The following FAM200C variants were observed in gnomAD, a reference collection of about 807,000 sequenced individuals.
the FAM200C span, chr5:160,395,385 C>A: frequency 6.2e-7 from 1 of 1,614,100 alleles, no homozygotes; most frequent in East Asian, 2.2e-5. Flanking sequence ...TTTGAAAATA[C>A]TGAGTTACAC....
the FAM200C span, chr5:160,393,483 A>C: frequency 1.8e-6 from 1 of 545,940 alleles, no homozygotes. Flanking sequence ...ACAGATACTT[A>C]GAATTGGGAA....
chr5:160,394,088 T>G, the FAM200C span: 1 of 1,613,318 alleles, frequency 6.2e-7, no homozygotes, highest in Non-Finnish European at 8.5e-7. Flanking sequence ...ACTTGCCTCA[T>G]TAAGATCTCC....
the FAM200C span, chr5:160,393,862 A>C: frequency 1.2e-6 from 2 of 1,614,030 alleles, no homozygotes; most frequent in African/African-American, 1.3e-5. Flanking sequence ...CCAACTCACA[A>C]AGGTATGTAG....
the FAM200C span, chr5:160,394,044 C>A: frequency 2.5e-6 from 4 of 1,610,710 alleles, no homozygotes; most frequent in Admixed American, 3.4e-5. Flanking sequence ...TCAACAAAAT[C>A]GATATTAAAA....
At chr5:160,395,649 T>G in the FAM200C span, 1 of 656,634 alleles carries the variant, frequency 1.5e-6, no homozygotes, top group Non-Finnish European at 2.7e-6. Flanking sequence ...CTGCAGCATG[T>G]CAATTCGAAG....
the FAM200C span, among the ~76,000 whole-genome samples, chr5:160,398,754 G>A: frequency 6.6e-6 from 1 of 152,154 alleles, no homozygotes; most frequent in Non-Finnish European, 1.5e-5. Flanking sequence ...CTGCCCAAGA[G>A]GCTTGTGTTT....
chr5:160,400,025 A>G, the FAM200C span: 1 of 152,304 alleles, frequency 6.6e-6, no homozygotes. Context: ...CCTCCGCCTC[A>G]GCCAGGCCCG....
chr5:160,395,891 C>A, the FAM200C span, among the ~76,000 whole-genome samples: 1 of 152,172 alleles, frequency 6.6e-6, no homozygotes, highest in Non-Finnish European at 1.5e-5. Flanking sequence ...CTCACTACCA[C>A]CACCTTCTTC....
At chr5:160,397,003 G>A in the FAM200C span, among the ~76,000 whole-genome samples, 2 of 152,184 alleles carry the variant, frequency 1.3e-5, no homozygotes, top group East Asian at 3.8e-4. Flanking sequence ...TGTATTGTAA[G>A]TATTTTAGAT....
the FAM200C span, chr5:160,399,843 C>T: frequency 6.6e-6 from 1 of 152,222 alleles, no homozygotes; most frequent in Admixed American, 6.5e-5. Context: ...AGGCGCAGGC[C>T]TATGGGATGC....
the FAM200C span, among the ~76,000 whole-genome samples, chr5:160,398,847 A>G: frequency 2.6e-5 from 4 of 152,232 alleles, no homozygotes; most frequent in African/African-American, 9.6e-5. Context: ...AAAAAGCATC[A>G]TGATAAGGAG....
the FAM200C span, chr5:160,393,744 T>C: frequency 2.3e-5 from 36 of 1,552,848 alleles, no homozygotes; most frequent in African/African-American, 2.6e-4. Context: ...TTTTGTTCAA[T>C]GATGTCCGAG....
chr5:160,395,096 G>A, the FAM200C span: 1 of 1,613,752 alleles, frequency 6.2e-7, no homozygotes, highest in East Asian at 2.2e-5. Flanking sequence ...CTTTTTTTGT[G>A]CATCTGGTCC....
the FAM200C span, among the ~76,000 whole-genome samples, chr5:160,398,791 T>G: frequency 0.41 from 62,109 of 152,090 alleles, 13,112 homozygotes; most frequent in South Asian, 0.46. Flanking sequence ...GCACTTGCGC[T>G]TTTGTGGTAT....
the FAM200C span, chr5:160,393,623 C>A: frequency 9.8e-7 from 1 of 1,024,516 alleles, no homozygotes; most frequent in Non-Finnish European, 1.4e-6. Flanking sequence ...TTCAGTATAT[C>A]ATAAATATGA....
the FAM200C span, among the ~76,000 whole-genome samples, chr5:160,396,364 C>A: frequency 4.6e-5 from 7 of 152,290 alleles, no homozygotes; most frequent in South Asian, 2.1e-4. Flanking sequence ...GATTAAGCCA[C>A]CCCTGATGCA....
At chr5:160,394,704 T>C in the FAM200C span, 1 of 1,614,172 alleles carries the variant, frequency 6.2e-7, no homozygotes, top group Non-Finnish European at 8.5e-7. Context: ...ATATGAGGTA[T>C]CTCTTTTTTC....
chr5:160,396,411 G>A, the FAM200C span, among the ~76,000 whole-genome samples: 1 of 152,084 alleles, frequency 6.6e-6, no homozygotes, highest in East Asian at 1.9e-4. Context: ...CTTCCTTGCT[G>A]CTAAGTGTAA....
the FAM200C span, among the ~76,000 whole-genome samples, chr5:160,398,561 A>G: frequency 8.7e-3 from 1,324 of 152,334 alleles, 2 homozygotes; most frequent in Non-Finnish European, 0.013. Flanking sequence ...ACTGGAAATC[A>G]TTACAAGATC....
Sources: gnomAD v4.1 joint callset for allele counts (sites outside exome capture counted in the v4.1 genomes callset) on GRCh38, gnomAD v4.1.1 for gene constraint, MANE v1.5 for transcripts.